PRMT3: variants seen among roughly 807,000 people sequenced by gnomAD.
PRMT3 encodes the protein protein arginine N-methyltransferase 3.
In PRMT3, 62 loss-of-function variants were observed where a neutral mutation model predicts 71.9. That is an observed-to-expected ratio of 0.86 (90% CI 0.70 to 1.07). The LOEUF is 1.07. PRMT3 is among the 50% of genes least tolerant of loss of function. PRMT3 has a pLI of 0.00. For synonymous variants in PRMT3, 213 were observed against 220.4 expected (o/e 0.97, Z 0.30); for missense variants, 663 against 643.0 (o/e 1.03, Z -0.34).
chr11:20,393,318 G>A (rs1235982505), intron 5 of PRMT3, among the ~76,000 whole-genome samples: 1 of 152,106 alleles, frequency 6.6e-6, no homozygotes. Flanking sequence ...ATGGTGGCGG[G>A]CTTCTGTAGT....
chr11:20,492,314 G>C (rs928980248), intron 13 of PRMT3, among the ~76,000 whole-genome samples: 1 of 152,188 alleles, frequency 6.6e-6, no homozygotes, highest in Non-Finnish European at 1.5e-5. Context: ...GGTATCATAA[G>C]TATCTGGAAA....
At chr11:20,421,757 A>G (rs1462874309) in intron 9 of PRMT3, among the ~76,000 whole-genome samples, 3 of 151,404 alleles carry the variant, frequency 2.0e-5, no homozygotes, top group Non-Finnish European at 2.9e-5. Flanking sequence ...TTTCCTTTCT[A>G]TGTTAAAAAC....
intron 10 of PRMT3, among the ~76,000 whole-genome samples, chr11:20,433,000 TTACTC>T (rs1158204676): frequency 2.6e-5 from 4 of 152,198 alleles, no homozygotes; most frequent in Non-Finnish European, 4.4e-5. Flanking sequence ...GATTATCTCT[TTACTC>T]TTTTGTTTTC....
chr11:20,488,516 T>A (rs969737250), intron 13 of PRMT3, among the ~76,000 whole-genome samples: 1 of 152,198 alleles, frequency 6.6e-6, no homozygotes, highest in Admixed American at 6.5e-5. Context: ...TCTATCTCCA[T>A]GCTTGGATAA....
intron 13 of PRMT3, among the ~76,000 whole-genome samples, chr11:20,484,739 T>G (rs1476746191): frequency 6.6e-6 from 1 of 152,120 alleles, no homozygotes; most frequent in Non-Finnish European, 1.5e-5. Flanking sequence ...GTAGGGGGCC[T>G]TAGGTAGGAA....
chr11:20,455,980 A>G (rs1181592020), intron 11 of PRMT3, among the ~76,000 whole-genome samples: 1 of 152,172 alleles, frequency 6.6e-6, no homozygotes, highest in East Asian at 1.9e-4. Flanking sequence ...ACTTGGAGGA[A>G]GGGAGTCTTT....
chr11:20,429,549 G>GA (rs1237310943), intron 10 of PRMT3, among the ~76,000 whole-genome samples: 1 of 152,236 alleles, frequency 6.6e-6, no homozygotes, highest in East Asian at 1.9e-4. Context: ...AGCCTGAGAT[G>GA]AAAGGAGCCA....
At chr11:20,399,458 G>A (rs1002970615) in intron 7 of PRMT3, among the ~76,000 whole-genome samples, 3 of 152,020 alleles carry the variant, frequency 2.0e-5, no homozygotes, top group East Asian at 3.8e-4. Context: ...TAAGTAATAC[G>A]TTATTTTAAG....
chr11:20,471,908 G>T (rs1166316348), intron 13 of PRMT3, among the ~76,000 whole-genome samples: 2 of 152,018 alleles, frequency 1.3e-5, no homozygotes, highest in Non-Finnish European at 2.9e-5. Context: ...CCTTGAAGAG[G>T]TCCTTCACTT....
intron 9 of PRMT3, among the ~76,000 whole-genome samples, chr11:20,415,097 G>C (rs550628827): frequency 6.6e-6 from 1 of 150,714 alleles, no homozygotes; most frequent in Non-Finnish European, 1.5e-5. Context: ...AAAAATTCTT[G>C]ACATAAGGGA....
At chr11:20,468,399 C>G (rs1342928758) in intron 13 of PRMT3, among the ~76,000 whole-genome samples, 2 of 152,114 alleles carry the variant, frequency 1.3e-5, no homozygotes, top group Non-Finnish European at 2.9e-5. Flanking sequence ...CAGGGTCTCA[C>G]TCTATATTGC....
intron 10 of PRMT3, among the ~76,000 whole-genome samples, chr11:20,436,563 A>G (rs1849764885): frequency 6.6e-6 from 1 of 151,874 alleles, no homozygotes; most frequent in Non-Finnish European, 1.5e-5. Flanking sequence ...TTTGTCCTTC[A>G]TTTTGTTGAA....
chr11:20,431,240 A>G (rs1316464023), intron 10 of PRMT3, among the ~76,000 whole-genome samples: 1 of 152,162 alleles, frequency 6.6e-6, no homozygotes, highest in Non-Finnish European at 1.5e-5. Flanking sequence ...GCATGGAGAT[A>G]TAGTATATGA....
At chr11:20,426,617 A>T (rs1849551473) in intron 9 of PRMT3, 149 bp from the exon 10 acceptor site, 2 of 866,972 alleles carry the variant, frequency 2.3e-6, no homozygotes, top group African/African-American at 3.5e-5. Context: ...TAACCATAAA[A>T]TAATTACAAT....
In PRMT3 at chr11:20,407,984, T is replaced by C; in HGVS notation, c.845T>C (p.Leu282Pro). ...GCTAAAGCTGGGGCGAAGAAGGTTC[T>C]TGGAGTTGATCAATCTGAAATACTT... The part of the protein sequence containing the change: ...FAAKAGAKKV[L>P]GVDQSEILYQ... Residue 282 changes from leucine to proline, a missense_variant, in exon 9 of 16, where the codon CTT becomes CCT. Leu to Pro is a moderately conservative substitution (Grantham distance 98, BLOSUM62 -3). Transcript: ENST00000331079. 1 of 1,601,456 alleles carries C rather than the reference T, an allele frequency of 6.2e-7. No homozygotes were observed. The highest frequency in any genetic ancestry group is 8.6e-7 in the Non-Finnish European group (1 of 1,168,652).
intron 2 of PRMT3, 30 bp downstream of exon 2, chr11:20,388,184 C>G: frequency 1.2e-6 from 2 of 1,611,480 alleles, no homozygotes; most frequent in African/African-American, 1.3e-5. Flanking sequence ...TGGCCTCTGC[C>G]CTAGGGTGCC....
chr11:20,438,230 A>C (rs1052613745), intron 10 of PRMT3, among the ~76,000 whole-genome samples: 3 of 152,132 alleles, frequency 2.0e-5, no homozygotes, highest in Admixed American at 6.5e-5. Context: ...AAGCCACAGC[A>C]CTGGCCTGAC....
chr11:20,494,246 T>G lies in PRMT3; in HGVS notation c.1478T>G (p.Val493Gly). ...TTTCTACTGGAAAAACCATTTTCAG[T>G]TAAAGCAGGTGAGAAAGAATAGTAG... ...TVFLLEKPFSVKAGEALKGKV... is the reference protein window; with the variant it reads ...TVFLLEKPFSGKAGEALKGKV... Residue 493 changes from valine to glycine, a missense_variant, in exon 15 of 16, where the codon GTT becomes GGT. Val to Gly is a moderately radical substitution (Grantham distance 109). Coordinates refer to ENST00000331079, the MANE Select transcript of PRMT3 (RefSeq NM_005788.4). 6.3e-7 allele frequency: 1 copy of G among 1,590,392 alleles called. No individual in the cohort carries two copies.
intron 7 of PRMT3, among the ~76,000 whole-genome samples, chr11:20,402,553 C>G (rs1848973298): frequency 1.3e-5 from 2 of 152,142 alleles, no homozygotes; most frequent in Non-Finnish European, 2.9e-5. Context: ...TTTAATATAG[C>G]TCTAGTACAG....
Sources: gnomAD v4.1 joint callset for allele counts (sites outside exome capture counted in the v4.1 genomes callset) on GRCh38, gnomAD v4.1.1 for gene constraint, MANE v1.5 for transcripts, NCBI Gene and HGNC (gene_info 2026-07-23, HGNC 2026-07-21) for gene names.